FBXL7: variants seen among roughly 807,000 people sequenced by gnomAD.
FBXL7 encodes the protein F-box/LRR-repeat protein 7.
A neutral mutation model predicts 38.3 loss-of-function variants in FBXL7; 12 were observed. That is an observed-to-expected ratio of 0.31 (90% CI 0.20 to 0.51). The LOEUF is 0.51. Among genes scored for constraint, FBXL7 ranks in the 20% least tolerant of loss-of-function variants. FBXL7 has a pLI of 0.98. For missense variants in FBXL7, 567 were observed against 676.4 expected (o/e 0.84, Z 1.79); for synonymous variants, 297 against 300.9 (o/e 0.99, Z 0.13).
intron 1 of FBXL7, among the ~76,000 whole-genome samples, chr5:15,534,503 C>A (rs1266089590): frequency 1.3e-5 from 2 of 151,998 alleles, no homozygotes; most frequent in African/African-American, 2.4e-5. Context: ...TAGCTCATTT[C>A]TTTTTAGATT....
chr5:15,932,467 A>T (rs1742061731), intron 3 of FBXL7, among the ~76,000 whole-genome samples: 1 of 152,234 alleles, frequency 6.6e-6, no homozygotes, highest in African/African-American at 2.4e-5. Flanking sequence ...TCTGGGATTA[A>T]CTGAAGAAAC....
At chr5:15,770,713 A>G (rs547264703) in intron 2 of FBXL7, among the ~76,000 whole-genome samples, 1 of 152,314 alleles carries the variant, frequency 6.6e-6, no homozygotes, top group South Asian at 2.1e-4. Context: ...AGGTATAATT[A>G]TCATTGTCCT....
chr5:15,887,330 TGA>T (rs1349023191), intron 2 of FBXL7, among the ~76,000 whole-genome samples: 1 of 152,150 alleles, frequency 6.6e-6, no homozygotes, highest in Non-Finnish European at 1.5e-5. Context: ...GCACTGTCAC[TGA>T]GAGGGAGAAC....
intron 2 of FBXL7, among the ~76,000 whole-genome samples, chr5:15,915,058 A>C (rs1741547399): frequency 6.6e-6 from 1 of 152,228 alleles, no homozygotes; most frequent in South Asian, 2.1e-4. Context: ...TTCATCAGTT[A>C]ATCTGGAGAA....
At chr5:15,856,341 A>G (rs1048696608) in intron 2 of FBXL7, among the ~76,000 whole-genome samples, 7 of 152,006 alleles carry the variant, frequency 4.6e-5, no homozygotes, top group African/African-American at 1.7e-4. Flanking sequence ...TCAAGATGAG[A>G]TTTGGGTGGG....
chr5:15,521,682 G>A (rs993698440), intron 1 of FBXL7, among the ~76,000 whole-genome samples: 4 of 152,196 alleles, frequency 2.6e-5, no homozygotes, highest in African/African-American at 9.7e-5. Flanking sequence ...TCGAGACACT[G>A]AAGTGTTTAG....
intron 2 of FBXL7, among the ~76,000 whole-genome samples, chr5:15,697,669 A>G (rs1322331209): frequency 1.3e-5 from 2 of 152,072 alleles, no homozygotes; most frequent in African/African-American, 2.4e-5. Context: ...CTTTCTGCAC[A>G]CACAAGGCTT....
intron 2 of FBXL7, among the ~76,000 whole-genome samples, chr5:15,661,123 A>G (rs1006482013): frequency 1.3e-5 from 2 of 152,176 alleles, no homozygotes; most frequent in Non-Finnish European, 2.9e-5. Flanking sequence ...GCAGTCTTTT[A>G]TATTGAGAAA....
rs140452933 is a variant in FBXL7 at position 15,738,065 on chromosome 5, A to G, written c.127+121993A>G. Among the ~76,000 whole-genome samples, 8 of 152,334 alleles carry G rather than the reference A, an allele frequency of 5.3e-5. No homozygotes were observed. In the East Asian group the frequency reaches 1.5e-3, roughly 29 times the overall value. On this transcript the variant is annotated intron_variant, in intron 2 of 3. Coordinates refer to ENST00000504595, the MANE Select transcript of FBXL7 (RefSeq NM_012304.5). ...CTCCCAGGACTGGTGCCAATGAAAT[A>G]TTCCAAACACTTGTTTGGGAGGCAC...
chr5:15,787,655 A>G (rs1291435075), intron 2 of FBXL7, among the ~76,000 whole-genome samples: 1 of 152,230 alleles, frequency 6.6e-6, no homozygotes, highest in Non-Finnish European at 1.5e-5. Flanking sequence ...TACTCTTTCC[A>G]TCTTCCTCCA....
intron 2 of FBXL7, among the ~76,000 whole-genome samples, chr5:15,766,680 AT>A (rs1736599558): frequency 6.6e-6 from 1 of 152,254 alleles, no homozygotes; most frequent in Non-Finnish European, 1.5e-5. Context: ...TCTTTAAAAC[AT>A]ATTTGCTCTT....
At chr5:15,501,860 ATGTGTATGTGTGTG>A in intron 1 of FBXL7, 1 of 347,980 alleles carries the variant, frequency 2.9e-6, no homozygotes, top group Non-Finnish European at 3.9e-6. Flanking sequence ...CCATATGTGC[ATGTGTATGTGTGTG>A]TGTGTGTGTG....
At chr5:15,556,935 G>GA (rs1738254785) in intron 1 of FBXL7, among the ~76,000 whole-genome samples, 3 of 152,134 alleles carry the variant, frequency 2.0e-5, no homozygotes, top group African/African-American at 7.2e-5. Context: ...AGTGACTAAA[G>GA]AAGCCAGATT....
intron 2 of FBXL7, among the ~76,000 whole-genome samples, chr5:15,657,276 T>C (rs553437750): frequency 6.6e-6 from 1 of 152,250 alleles, no homozygotes; most frequent in East Asian, 1.9e-4. Flanking sequence ...GCCCAGAAAA[T>C]GTTGCCCTAC....
intron 2 of FBXL7, among the ~76,000 whole-genome samples, chr5:15,858,418 A>C (rs1475900554): frequency 6.6e-6 from 1 of 151,962 alleles, no homozygotes; most frequent in African/African-American, 2.4e-5. Context: ...TCATTGGATG[A>C]AAAAAAGGTT....
intron 2 of FBXL7, among the ~76,000 whole-genome samples, chr5:15,805,830 T>C (rs538582030): frequency 6.6e-6 from 1 of 152,358 alleles, no homozygotes; most frequent in South Asian, 2.1e-4. Context: ...TCAGTGGATA[T>C]AAAATAGATT....
chr5:15,507,524 G>C (rs984661685), intron 1 of FBXL7, among the ~76,000 whole-genome samples: 2 of 152,274 alleles, frequency 1.3e-5, no homozygotes, highest in South Asian at 4.1e-4. Flanking sequence ...ATATCCACTG[G>C]TGTCTCTGAA....
intron 2 of FBXL7, among the ~76,000 whole-genome samples, chr5:15,860,658 A>G (rs1739436511): frequency 6.6e-6 from 1 of 152,028 alleles, no homozygotes. Context: ...ATTTCCCTTA[A>G]CCTGGCTTTT....
chr5:15,936,660 G>T lies in FBXL7; in HGVS notation c.950G>T (p.Arg317Leu). The change falls in exon 4 of 4, where the codon CGC becomes CTC. Residue 317 changes from arginine to leucine, a missense_variant. By Grantham distance (102) the Arg-to-Leu change is moderately radical. Transcript: ENST00000504595. This position sits in a 1 kb window ranked among gnomAD's most constrained non-coding sequence, Gnocchi z 6.0. ...GTCCGCCTGACCGACGAAGGCCTGCGCTACCTGGTGATCTACTGCGCCTCC... is the reference window on the plus strand; with the variant it reads ...GTCCGCCTGACCGACGAAGGCCTGCTCTACCTGGTGATCTACTGCGCCTCC... ...RCVRLTDEGL[R>L]YLVIYCASIK... 6.2e-7 allele frequency: 1 copy of T among 1,608,316 alleles called. No individual in the cohort carries two copies. The highest frequency in any genetic ancestry group is 8.5e-7 in the Non-Finnish European group (1 of 1,179,718).
Sources: allele counts gnomAD v4.1 joint callset (sites outside exome capture counted in the v4.1 genomes callset), GRCh38; gene constraint gnomAD v4.1.1; non-coding constraint Gnocchi (gnomAD v3.1); transcripts MANE v1.5; gene names NCBI Gene and HGNC (gene_info 2026-07-23, HGNC 2026-07-21).